WLS: variants seen among roughly 807,000 people sequenced by gnomAD.
WLS encodes Wnt ligand secretion mediator.
A neutral mutation model predicts 62.8 loss-of-function variants in WLS; 23 were observed. The ratio of observed to expected loss-of-function variants is 0.37; its 90% CI spans 0.26 to 0.52. The LOEUF (loss-of-function observed/expected upper bound fraction) is 0.52, where lower values mean the gene tolerates loss of function less well. Ranked by LOEUF, WLS falls within the 20% of genes least tolerant of loss-of-function variation. The pLI, the probability that WLS is intolerant of heterozygous loss-of-function variation, is 0.92. For missense variants in WLS, 615 were observed against 697.3 expected (o/e 0.88, Z 1.33); for synonymous variants, 246 against 244.1 (o/e 1.01, Z -0.07).
intron 2 of WLS, among the ~76,000 whole-genome samples, chr1:68,180,654 A>C (rs1221520913): frequency 6.6e-6 from 1 of 152,116 alleles, no homozygotes; most frequent in Non-Finnish European, 1.5e-5. Flanking sequence ...GATTACCAAT[A>C]AATAGCATGG....
intron 1 of WLS, among the ~76,000 whole-genome samples, chr1:68,214,621 C>T (rs373127231): frequency 2.6e-5 from 4 of 152,138 alleles, no homozygotes; most frequent in African/African-American, 9.7e-5. Context: ...AGTGCTGGGA[C>T]CACAGGTGTG....
At chr1:68,127,053 C>G (rs753502044) in intron 11 of WLS, 5 of 391,302 alleles carry the variant, frequency 1.3e-5, no homozygotes, top group South Asian at 9.1e-5. Flanking sequence ...TAATTACCTG[C>G]GTGCAGTAAC....
intron 1 of WLS, among the ~76,000 whole-genome samples, chr1:68,210,221 TAA>T (rs1217690247): frequency 6.6e-6 from 1 of 152,112 alleles, no homozygotes; most frequent in Non-Finnish European, 1.5e-5. Flanking sequence ...GTAGCAGAGG[TAA>T]ACTTAACCTT....
chr1:68,216,333 G>A (rs1256336919), intron 1 of WLS, among the ~76,000 whole-genome samples: 2 of 152,172 alleles, frequency 1.3e-5, no homozygotes, highest in African/African-American at 4.8e-5. Context: ...ATCCCTGATG[G>A]ACTGGCCTAT....
At chr1:68,162,285 G>T in intron 2 of WLS, 1 of 1,601,834 alleles carries the variant, frequency 6.2e-7, no homozygotes, top group Non-Finnish European at 8.6e-7. Flanking sequence ...CACGGGGTGC[G>T]TTCACAAGGA....
At chr1:68,228,129 A>C in intron 1 of WLS, 1 of 355,854 alleles carries the variant, frequency 2.8e-6, no homozygotes, top group African/African-American at 2.1e-5. Flanking sequence ...TCAACATTAA[A>C]AATTTAAAAA....
chr1:68,162,444 C>T (rs118180678), intron 2 of WLS: 44,385 of 1,613,862 alleles, frequency 0.028, 743 homozygotes, highest in Middle Eastern at 0.072. Flanking sequence ...ATCGCTCGAT[C>T]CCATCCTGCA....
Position 68,231,866 on chromosome 1 carries a change from G to A in WLS, c.106+328C>T, listed in dbSNP as rs754642916. On this transcript the variant is annotated intron_variant, in intron 1 of 11. Transcript: ENST00000262348. ...GGAACGCGGGAAAAAGCGGGGGGGG[G>A]GGGGGGCGAGCAATCAACTTTGTAA... is the stretch of plus-strand genomic sequence containing the variant. The A allele has an allele frequency of 3.5e-5, 11 of 311,246 alleles. 1 individual carries two copies. Among genetic ancestry groups the A allele is most frequent in the South Asian group, 7.4e-5 (3 of 40,756 alleles). The allele number at this position is 311,246 out of a possible 1,614,324, so 19.3% of individuals were successfully genotyped here.
intron 1 of WLS, among the ~76,000 whole-genome samples, chr1:68,217,634 T>C (rs1034159095): frequency 5.3e-5 from 8 of 152,162 alleles, no homozygotes; most frequent in African/African-American, 2.4e-5. Flanking sequence ...ACAAAACCCA[T>C]GCCTTAAAAC....
chr1:68,227,899 T>A (rs1650232038), intron 1 of WLS, among the ~76,000 whole-genome samples: 1 of 152,232 alleles, frequency 6.6e-6, no homozygotes, highest in Non-Finnish European at 1.5e-5. Context: ...ATAACTGTAA[T>A]TTAATTTCTT....
intron 10 of WLS, among the ~76,000 whole-genome samples, chr1:68,144,173 T>C (rs1302593818): frequency 6.6e-6 from 1 of 152,232 alleles, no homozygotes. Context: ...ACATTTCATA[T>C]TTAAGTGGCA....
chr1:68,184,823 G>T (rs1042027916), intron 2 of WLS, among the ~76,000 whole-genome samples: 1 of 152,168 alleles, frequency 6.6e-6, no homozygotes, highest in Non-Finnish European at 1.5e-5. Context: ...CTGTTCCCAA[G>T]TATCTATGAG....
intron 11 of WLS, among the ~76,000 whole-genome samples, chr1:68,118,904 C>CAAAAAAAAAAAAAAAAAAAAAAAAAA (rs1553123990): frequency 1.6e-5 from 1 of 63,744 alleles, no homozygotes; most frequent in Non-Finnish European, 3.6e-5. Context: ...AAAAAAAAAG[C>CAAAAAAAAAAAAAAAAAAAAAAAAAA]ACCTGGCCCA....
downstream of WLS, among the ~76,000 whole-genome samples, chr1:68,124,470 C>T (rs936627966): frequency 2.6e-5 from 4 of 152,188 alleles, no homozygotes; most frequent in Non-Finnish European, 4.4e-5. Flanking sequence ...TCCCTTTGCC[C>T]GTTGGCTCTG....
intron 2 of WLS, among the ~76,000 whole-genome samples, chr1:68,187,189 CAA>C (rs34130992): frequency 0.12 from 6,646 of 57,010 alleles, 295 homozygotes; most frequent in East Asian, 0.25. Context: ...ACTCCATCTC[CAA>C]AAAAAAAAAA....
chr1:68,099,223 TATC>T (rs1044341223), intron 11 of WLS, among the ~76,000 whole-genome samples: 6 of 152,310 alleles, frequency 3.9e-5, no homozygotes, highest in South Asian at 4.1e-4. Context: ...TTATATGTCT[TATC>T]ATCTTCCAAA....
intron 2 of WLS, among the ~76,000 whole-genome samples, chr1:68,184,273 A>G (rs1647774831): frequency 6.6e-6 from 1 of 152,210 alleles, no homozygotes; most frequent in African/African-American, 2.4e-5. Flanking sequence ...AAGCCCTTGG[A>G]GAGTCTGGGG....
chr1:68,185,373 G>C (rs1647864745), intron 2 of WLS, among the ~76,000 whole-genome samples: 1 of 152,182 alleles, frequency 6.6e-6, no homozygotes, highest in African/African-American at 2.4e-5. Flanking sequence ...CCAGATAAAA[G>C]ATTGATAGGG....
intron 11 of WLS, among the ~76,000 whole-genome samples, chr1:68,129,942 A>G (rs1646493990): frequency 6.6e-6 from 1 of 152,272 alleles, no homozygotes; most frequent in Admixed American, 6.5e-5. Context: ...CAAATTCATC[A>G]CAGCTCATTA....
Sources: allele counts gnomAD v4.1 joint callset (sites outside exome capture counted in the v4.1 genomes callset), GRCh38; gene constraint gnomAD v4.1.1; transcripts MANE v1.5; gene names NCBI Gene and HGNC (gene_info 2026-07-23, HGNC 2026-07-21).